LHFPL3: variants seen among roughly 807,000 people sequenced by gnomAD.
LHFPL3 encodes the protein LHFPL tetraspan subfamily member 3 protein.
In LHFPL3, 5 loss-of-function variants were observed where a neutral mutation model predicts 19.3. That is an observed-to-expected ratio of 0.26 (90% CI 0.14 to 0.54). The LOEUF (loss-of-function observed/expected upper bound fraction) is 0.54, where lower values mean the gene tolerates loss of function less well. LHFPL3 is among the 20% of genes least tolerant of loss of function. LHFPL3 has a pLI of 0.94. For synonymous variants in LHFPL3, 133 were observed against 126.2 expected, an observed-to-expected ratio of 1.05 and a Z score of -0.36; for missense variants, 249 against 307.4, an observed-to-expected ratio of 0.81 and a Z score of 1.42.
chr7:104,400,104 CAAAAAAAAAAAAAAAAAAAAAAAAAAAA>C (rs398005676), intron 1 of LHFPL3, among the ~76,000 whole-genome samples: 11 of 25,738 alleles, frequency 4.3e-4, no homozygotes, highest in Middle Eastern at 0.042. Context: ...AACTCCATCT[CAAAAAAAAAAAAAAAAAAAAAAAAAAAA>C]AAAAAAAAAA....
chr7:104,374,067 G>A (rs1017054567), intron 1 of LHFPL3, among the ~76,000 whole-genome samples: 9 of 152,098 alleles, frequency 5.9e-5, no homozygotes, highest in South Asian at 2.1e-4. Flanking sequence ...TGTAGGGCAT[G>A]ACTCCTCAGA....
chr7:104,394,436 T>C (rs1272321254), intron 1 of LHFPL3, among the ~76,000 whole-genome samples: 1 of 152,350 alleles, frequency 6.6e-6, no homozygotes, highest in East Asian at 1.9e-4. Context: ...CCTGATTCTT[T>C]AAAAATTTTT....
intron 2 of LHFPL3, among the ~76,000 whole-genome samples, chr7:104,890,961 T>C (rs1021729611): frequency 6.6e-6 from 1 of 152,136 alleles, no homozygotes; most frequent in Non-Finnish European, 1.5e-5. Flanking sequence ...AGGTGGTCAC[T>C]GAAGGTTTCA....
At chr7:104,568,797 G>T (rs1010580745) in intron 1 of LHFPL3, among the ~76,000 whole-genome samples, 2 of 152,156 alleles carry the variant, frequency 1.3e-5, no homozygotes, top group Non-Finnish European at 2.9e-5. Flanking sequence ...AGAGGTCAGA[G>T]AAACCAGAAT....
chr7:104,696,623 A>G (rs538431631), intron 1 of LHFPL3, among the ~76,000 whole-genome samples: 1 of 152,206 alleles, frequency 6.6e-6, no homozygotes, highest in Non-Finnish European at 1.5e-5. Context: ...CTGCCTGACC[A>G]TTACTAAAGA....
At chr7:104,761,204 T>C (rs995288751) in intron 2 of LHFPL3, among the ~76,000 whole-genome samples, 1 of 152,152 alleles carries the variant, frequency 6.6e-6, no homozygotes, top group Non-Finnish European at 1.5e-5. Context: ...CTAGGTCTCT[T>C]GACATCACTC....
chr7:104,557,186 A>T (rs1475455053), intron 1 of LHFPL3, among the ~76,000 whole-genome samples: 1 of 152,128 alleles, frequency 6.6e-6, no homozygotes, highest in Non-Finnish European at 1.5e-5. Context: ...TCACATTTTC[A>T]GGTATCTTTT....
intron 1 of LHFPL3, among the ~76,000 whole-genome samples, chr7:104,400,410 A>G (rs1584294332): frequency 6.6e-6 from 1 of 152,178 alleles, no homozygotes; most frequent in African/African-American, 2.4e-5. Context: ...CCTATTTGGT[A>G]GGTCAATTCT....
intron 1 of LHFPL3, among the ~76,000 whole-genome samples, chr7:104,561,511 C>CT (rs1313130680): frequency 2.7e-5 from 4 of 150,536 alleles, no homozygotes; most frequent in Non-Finnish European, 3.0e-5. Context: ...CAACCCCTGC[C>CT]TTTTTTTGTT....
intron 2 of LHFPL3, among the ~76,000 whole-genome samples, chr7:104,882,916 T>G (rs1212841355): frequency 2.6e-5 from 4 of 152,366 alleles, no homozygotes; most frequent in East Asian, 1.9e-4. Context: ...CTGCCTCATT[T>G]GCCTGGGACT....
chr7:104,693,529 G>C (rs758502572), intron 1 of LHFPL3, among the ~76,000 whole-genome samples: 1 of 152,074 alleles, frequency 6.6e-6, no homozygotes, highest in Non-Finnish European at 1.5e-5. Flanking sequence ...ATGATAGTGC[G>C]TGAGTCCTCA....
At chr7:104,591,003 G>A (rs1241775773) in intron 1 of LHFPL3, among the ~76,000 whole-genome samples, 1 of 152,112 alleles carries the variant, frequency 6.6e-6, no homozygotes, top group Non-Finnish European at 1.5e-5. Flanking sequence ...GAGCTTGTGT[G>A]TGTCTCTGCA....
chr7:104,627,244 C>A (rs530429434), intron 1 of LHFPL3, among the ~76,000 whole-genome samples: 2 of 152,220 alleles, frequency 1.3e-5, no homozygotes, highest in South Asian at 4.1e-4. Flanking sequence ...CTGTGCCTGG[C>A]TTATTTCACT....
intron 1 of LHFPL3, among the ~76,000 whole-genome samples, chr7:104,661,015 T>C (rs185798959): frequency 2.5e-3 from 387 of 152,242 alleles, no homozygotes; most frequent in Non-Finnish European, 4.5e-3. Context: ...AGATGTCAAA[T>C]TTCTATTATT....
At chr7:104,659,058 G>A (rs548695679) in intron 1 of LHFPL3, among the ~76,000 whole-genome samples, 11 of 152,208 alleles carry the variant, frequency 7.2e-5, no homozygotes, top group African/African-American at 2.4e-4. Context: ...TTCCCTGAAC[G>A]TGCCATGCAC....
chr7:104,612,132 T>G (rs908380405), intron 1 of LHFPL3, among the ~76,000 whole-genome samples: 4 of 152,218 alleles, frequency 2.6e-5, no homozygotes, highest in Admixed American at 6.5e-5. Context: ...ACATAATTAC[T>G]TAAATATGTT....
rs200907492 is a variant in LHFPL3 at position 104,424,982 on chromosome 7, A to AT, written c.445+95759dup. Among the ~76,000 whole-genome samples, 19 of 128,670 alleles carry AT rather than the reference A, an allele frequency of 1.5e-4. No individual in the cohort carries two copies. The South Asian group carries it at 2.2e-3, about 15-fold the overall frequency. 84.4% of individuals were successfully genotyped at this position (128,670 alleles called of 152,430 possible). A position where few individuals can be genotyped will look rare whatever the true frequency, so the allele number is the denominator to read the frequency against. ...GGGCGACAGAGTGAGACTCCATCTC[A>AT]TAAAAAAAAAAAAAAAAAAAAAAGA... On this transcript the variant is annotated intron_variant, in intron 1 of 2. Transcript: ENST00000424859.
At chr7:104,551,173 C>T (rs1427125597) in intron 1 of LHFPL3, among the ~76,000 whole-genome samples, 1 of 152,068 alleles carries the variant, frequency 6.6e-6, no homozygotes, top group Non-Finnish European at 1.5e-5. Context: ...AAAAAAACAA[C>T]TATTAAGTTG....
At chr7:104,646,968 T>TA (rs1460322034) in intron 1 of LHFPL3, among the ~76,000 whole-genome samples, 1 of 152,144 alleles carries the variant, frequency 6.6e-6, no homozygotes, top group African/African-American at 2.4e-5. Flanking sequence ...GTCTGTGGAG[T>TA]ACTAGAACAG....
Sources: gnomAD v4.1 joint callset for allele counts (sites outside exome capture counted in the v4.1 genomes callset) on GRCh38, gnomAD v4.1.1 for gene constraint, MANE v1.5 for transcripts, NCBI Gene and HGNC (gene_info 2026-07-23, HGNC 2026-07-21) for gene names.